The following HTATSF1 variants were observed in gnomAD, a reference collection of about 807,000 sequenced individuals.
The protein encoded by HTATSF1 is HIV-1 Tat specific factor 1, also known as 17S U2 SnRNP complex component HTATSF1.
In HTATSF1, 6 loss-of-function variants were observed where a neutral mutation model predicts 46.1. The ratio of observed to expected loss-of-function variants is 0.13; its 90% CI spans 0.07 to 0.26. The LOEUF (loss-of-function observed/expected upper bound fraction) is 0.26, where lower values mean the gene tolerates loss of function less well. Ranked by LOEUF, HTATSF1 falls within the 10% of genes least tolerant of loss-of-function variation. The pLI, the probability that HTATSF1 is intolerant of heterozygous loss-of-function variation, is 1.00. For missense variants in HTATSF1, 452 were observed against 559.9 expected (o/e 0.81, Z 1.94); for synonymous variants, 226 against 211.5 (o/e 1.07, Z -0.60).
intron 5 of HTATSF1, 111 bp from the exon 6 acceptor site, chrX:136,504,253 T>G: frequency 2.2e-6 from 1 of 464,856 alleles, no homozygotes; most frequent in Non-Finnish European, 3.7e-6. Context: ...AATCCAGTAA[T>G]TATCTTTATT....
At chrX:136,505,137 T>C (rs2075736107) in intron 6 of HTATSF1, among the ~76,000 whole-genome samples, 1 of 112,161 alleles carries the variant, frequency 8.9e-6, no homozygotes, top group African/African-American at 3.2e-5. Flanking sequence ...AACAACTCTT[T>C]ATTCTCTCCC....
intron 8 of HTATSF1, 34 bp downstream of exon 8, chrX:136,510,253 T>G (rs902167941): frequency 8.4e-7 from 1 of 1,187,215 alleles, no homozygotes; most frequent in African/African-American, 1.7e-5. Context: ...GCACACACAT[T>G]GTTTCATTAC....
At position 136,500,149 on chromosome X, in the gene HTATSF1, G is replaced by A. The variant is rs764625666; in HGVS notation, c.368-9G>A. Reference sequence around the variant, plus strand: ...GTGTTTTATTTATTTAATTAATTTTGATTTCTAGGATGGTTTCATGTTGAA... The same window carrying A: ...GTGTTTTATTTATTTAATTAATTTTAATTTCTAGGATGGTTTCATGTTGAA... On this transcript the variant is annotated splice_polypyrimidine_tract_variant and intron_variant, in intron 2 of 8. Transcript: ENST00000218364. 17 of 1,026,534 alleles carry A rather than the reference G, an allele frequency of 1.7e-5. No individual in the cohort carries two copies. The highest frequency in any genetic ancestry group is 2.3e-5 in the Non-Finnish European group (17 of 734,572). 84.6% of individuals were successfully genotyped at this position (1,026,534 alleles called of 1,213,427 possible). A position where few individuals can be genotyped will look rare whatever the true frequency, so the allele number is the denominator to read the frequency against.
chrX:136,502,377 G>A (rs2075722086), intron 4 of HTATSF1, among the ~76,000 whole-genome samples: 1 of 111,522 alleles, frequency 9.0e-6, no homozygotes, highest in Admixed American at 9.5e-5. Flanking sequence ...GAGAAATTGT[G>A]GCCTCAAGAG....
In HTATSF1 at chrX:136,511,661, A is replaced by G; in HGVS notation, c.1916A>G (p.Asp639Gly). 1 of 1,211,123 alleles carries G rather than the reference A, an allele frequency of 8.3e-7. No homozygotes were observed. Among genetic ancestry groups the G allele is most frequent in the Non-Finnish European group, 1.1e-6 (1 of 895,092 alleles). ...EEEDTYEKVF[D>G]DESDEKEDEE... ...GAGGATACATATGAAAAAGTATTTGATGATGAGTCTGATGAGAAAGAGGAT... is the reference window on the plus strand; with the variant it reads ...GAGGATACATATGAAAAAGTATTTGGTGATGAGTCTGATGAGAAAGAGGAT... The change falls in exon 9 of 9, where the codon GAT (aspartate) becomes GGT (glycine). Residue 639 changes from aspartate to glycine, a missense_variant. Around this residue, in one of 3 missense-constraint regions of HTATSF1, gnomAD observed 246 missense variants for 245.3 expected, o/e 1.00. Transcript: ENST00000218364.
Position 136,511,648 on chromosome X carries a change from GAA to G in HTATSF1, c.1907_1908del (p.Lys636SerfsTer3). On this transcript the variant is annotated frameshift_variant, in exon 9 of 9. Transcript: ENST00000218364. LOFTEE classifies it high-confidence loss of function. ...AAAGGAAGAAGAGGAGGATACATAT[GAA>G]AAAGTATTTGATGATGAGTCTGATG... is the stretch of plus-strand genomic sequence containing the variant. ...DEKEEEEDTY[E>X]KVFDDESDEK... 1 of 1,211,074 alleles carries G rather than the reference GAA, an allele frequency of 8.3e-7. No homozygotes were observed. The highest frequency in any genetic ancestry group is 3.0e-5 in the East Asian group (1 of 33,860).
At chrX:136,505,566 G>A (rs184252726) in intron 6 of HTATSF1, among the ~76,000 whole-genome samples, 2 of 112,130 alleles carry the variant, frequency 1.8e-5, no homozygotes, top group African/African-American at 3.2e-5. Context: ...TTATAAACAC[G>A]TGCACACCAG....
Position 136,500,562 on chromosome X carries a change from A to G in HTATSF1, c.416-102A>G, listed in dbSNP as rs2075713507. ...ACTTTTACATACATTTAGAAAATCA[A>G]CATTGCATTCACCTAAGTTATAGAT... On this transcript the variant is annotated intron_variant, in intron 3 of 8. Coordinates refer to ENST00000218364, the MANE Select transcript of HTATSF1 (RefSeq NM_014500.5). 3 of 540,870 alleles carry G rather than the reference A, an allele frequency of 5.5e-6. No individual in the cohort carries two copies. The East Asian group carries it at 1.1e-4, about 21-fold the overall frequency. 44.6% of individuals were successfully genotyped at this position (540,870 alleles called of 1,213,427 possible).
At chrX:136,500,081 C>T in intron 2 of HTATSF1, 77 bp from the exon 3 acceptor site, 1 of 698,565 alleles carries the variant, frequency 1.4e-6, no homozygotes, top group Non-Finnish European at 2.3e-6. Context: ...GAAACTGCTG[C>T]TTTGTCAAGA....
At chrX:136,500,569 A>G (rs2075713570) in intron 3 of HTATSF1, 95 bp from the exon 4 acceptor site, 1 of 566,008 alleles carries the variant, frequency 1.8e-6, no homozygotes, top group Non-Finnish European at 2.8e-6. Context: ...TCAACATTGC[A>G]TTCACCTAAG....
At position 136,511,818 on chromosome X, in the gene HTATSF1, T is replaced by C. The variant is rs1441002000; in HGVS notation, c.2073T>C (p.Asp691=). 1 of 1,209,640 alleles carries C rather than the reference T, an allele frequency of 8.3e-7. No individual in the cohort carries two copies. Among genetic ancestry groups the C allele is most frequent in the Non-Finnish European group, 1.1e-6 (1 of 894,954 alleles). Residue 691 remains aspartate (D), a synonymous_variant, in exon 9 of 9, where the codon GAT becomes GAC. Transcript: ENST00000218364. ...DEDADGKEVE[D]ADEKLFEDDD... ...ATGCAGATGGAAAGGAAGTTGAAGA[T>C]GCTGACGAAAAGTTGTTCGAAGATG...
Position 136,497,689 on chromosome X carries a change from G to A in HTATSF1, c.5G>A (p.Ser2Asn). The A allele has an allele frequency of 8.4e-7, 1 of 1,191,158 alleles. No individual in the cohort carries two copies. The highest frequency in any genetic ancestry group is 1.1e-6 in the Non-Finnish European group (1 of 880,797). The change falls in exon 1 of 9, where the codon AGC becomes AAC. Residue 2 changes from serine (S) to asparagine (N), a missense_variant. This residue lies in a region of HTATSF1 where 89 missense variants were observed against 92.3 expected (regional missense o/e 0.96). Coordinates refer to ENST00000218364, the MANE Select transcript of HTATSF1 (RefSeq NM_014500.5). M[S>N]GTNLDGNDEF... ...CTCCTGAGCTAGGTAGGAAACATGAGCGGCACCAACTTGGATGGGAACGAT... is the reference window on the plus strand; with the variant it reads ...CTCCTGAGCTAGGTAGGAAACATGAACGGCACCAACTTGGATGGGAACGAT...
At chrX:136,506,570 G>A (rs1211336690) in intron 6 of HTATSF1, among the ~76,000 whole-genome samples, 1 of 112,502 alleles carries the variant, frequency 8.9e-6, no homozygotes, top group Non-Finnish European at 1.9e-5. Flanking sequence ...ACAAGCCAGA[G>A]TCTTTTCATT....
chrX:136,502,883 G>A lies in HTATSF1; in HGVS notation c.676G>A (p.Ala226Thr). Residue 226 changes from alanine (A) to threonine (T), a missense_variant, in exon 5 of 9, where the codon GCC (alanine) becomes ACC (threonine). By Grantham distance (58) the Ala-to-Thr change is moderately conservative. Transcript: ENST00000218364. ...GTTTCAACTGAAGGGAGAATATGATGCCTCAAAGAAGAAGAAGAAGTGCAA... is the reference window on the plus strand; with the variant it reads ...GTTTCAACTGAAGGGAGAATATGATACCTCAAAGAAGAAGAAGAAGTGCAA... ...AKFQLKGEYD[A>T]SKKKKKCKDY... is the part of the protein sequence containing the mutation. 8.6e-7 allele frequency: 1 copy of A among 1,165,678 alleles called. No homozygotes were observed. Among genetic ancestry groups the A allele is most frequent in the Non-Finnish European group, 1.1e-6 (1 of 869,911 alleles).
chrX:136,504,474 G>A lies in HTATSF1; in HGVS notation c.834+11G>A, dbSNP rs766393018. ...CCTATGGATTTTGAGGTAGGAAGTG[G>A]TGTGCTTACTGATAGAAATGCTGAT... On this transcript the variant is annotated intron_variant, in intron 6 of 8. Transcript: ENST00000218364. 8.7e-7 allele frequency: 1 copy of A among 1,151,067 alleles called. No homozygotes were observed. Among genetic ancestry groups the A allele is most frequent in the African/African-American group, 1.8e-5 (1 of 55,964 alleles). The allele number at this position is 1,151,067 out of a possible 1,213,427, so 94.9% of individuals were successfully genotyped here.
upstream of HTATSF1, chrX:136,497,368 GGCAGCGCGCCTGCGCGCTCCC>G (rs1268553268): frequency 1.3e-4 from 15 of 114,993 alleles, no homozygotes; most frequent in Non-Finnish European, 2.7e-4. Flanking sequence ...TGGCGGCGGC[GGCAGCGCGCCTGCGCGCTCCC>G]GCAGCGCCCT....
chrX:136,505,077 G>C (rs3027844), intron 6 of HTATSF1, among the ~76,000 whole-genome samples: 12,809 of 111,795 alleles, frequency 0.11, 1,666 homozygotes, highest in African/African-American at 0.37. Flanking sequence ...CATTCTGCCT[G>C]TATTCTTATC....
chrX:136,501,787 G>T (rs973219012), intron 4 of HTATSF1, among the ~76,000 whole-genome samples: 1 of 111,957 alleles, frequency 8.9e-6, no homozygotes, highest in African/African-American at 3.2e-5. Context: ...TAAACGTGAT[G>T]GTTATGGGAC....
In HTATSF1 at chrX:136,511,829, AGTT is replaced by A. The variant is rs778818577; in HGVS notation, c.2088_2090del (p.Leu696del). On this transcript the variant is annotated inframe_deletion, in exon 9 of 9. Transcript: ENST00000218364. ...AAGGAAGTTGAAGATGCTGACGAAA[AGTT>A]GTTCGAAGATGATGATTCCAATGAG... The A allele has an allele frequency of 2.5e-6, 3 of 1,211,333 alleles. No individual in the cohort carries two copies. The highest frequency in any genetic ancestry group is 5.9e-5 in the East Asian group (2 of 33,825).
Sources: allele counts gnomAD v4.1 joint callset (sites outside exome capture counted in the v4.1 genomes callset), GRCh38; gene constraint gnomAD v4.1.1; regional missense constraint gnomAD v4.1.1; transcripts MANE v1.5; gene names NCBI Gene and HGNC (gene_info 2026-07-23, HGNC 2026-07-21).